Variants in PLEKHM3 observed in about 807,000 individuals in gnomAD.
PLEKHM3 encodes pleckstrin homology domain containing M3, also known as pleckstrin homology domain-containing family M member 3.
PLEKHM3 carries 45 observed loss-of-function variants against 81.8 expected under a neutral mutation model. The ratio of observed to expected loss-of-function variants is 0.55; its 90% CI spans 0.43 to 0.71. PLEKHM3 has a LOEUF of 0.71. PLEKHM3 is among the 30% of genes least tolerant of loss of function. The probability of loss-of-function intolerance (pLI) is 0.00; values close to 1 mark genes in which losing one functional copy is unlikely to be tolerated. For synonymous variants in PLEKHM3, 352 were observed against 356.4 expected (o/e 0.99, Z 0.14); for missense variants, 788 against 924.3 (o/e 0.85, Z 1.91).
chr2:207,945,530 AAGGTTCTGGTTCT>A (rs1462040096), intron 4 of PLEKHM3, among the ~76,000 whole-genome samples: 2 of 152,126 alleles, frequency 1.3e-5, no homozygotes, highest in Non-Finnish European at 2.9e-5. Context: ...AGCTTCTCTC[AAGGTTCTGGTTCT>A]AGTTCCAAAG....
chr2:208,017,527 TA>T (rs1158932948), intron 1 of PLEKHM3, among the ~76,000 whole-genome samples: 1 of 152,190 alleles, frequency 6.6e-6, no homozygotes, highest in Non-Finnish European at 1.5e-5. Context: ...AAGTGTTGCA[TA>T]AAAATTCAAA....
In PLEKHM3 at chr2:207,880,236, A is replaced by T. The variant is rs532405016; in HGVS notation, c.1951-18974T>A. On this transcript the variant is annotated intron_variant, in intron 6 of 7. Transcript: ENST00000427836. ...AGCCTGGCCAACATGGCAAAACCCC[A>T]TCTCTACTAAAAACACAAAAATTAG... is the stretch of plus-strand genomic sequence containing the variant. Among the ~76,000 whole-genome samples the T allele has an allele frequency of 3.9e-5, 6 of 152,044 alleles. No homozygotes were observed. In the South Asian group the frequency reaches 1.2e-3, roughly 32 times the overall value.
At position 207,984,453 on chromosome 2, in the gene PLEKHM3, T is replaced by C. The variant is rs571234452; in HGVS notation, c.611-6867A>G. Among the ~76,000 whole-genome samples the C allele has an allele frequency of 3.9e-5, 6 of 152,232 alleles. No homozygotes were observed. The South Asian group carries it at 1.2e-3, about 32-fold the overall frequency. On this transcript the variant is annotated intron_variant, in intron 2 of 7. Transcript: ENST00000427836. ...TTGCCCAGGCTTGAGTGATCTCGGC[T>C]CACTGCAACCTCCACCTCCCAGGTT...
intron 3 of PLEKHM3, among the ~76,000 whole-genome samples, chr2:207,964,302 C>T (rs1437053184): frequency 6.6e-6 from 1 of 152,136 alleles, no homozygotes; most frequent in Non-Finnish European, 1.5e-5. Context: ...TTTAAAAATC[C>T]CAGAGATTCT....
Position 207,828,455 on chromosome 2 carries a change from T to G in PLEKHM3, c.2150A>C (p.Glu717Ala), listed in dbSNP as rs1156380690. The change falls in exon 8 of 8, where the codon GAA becomes GCA. Residue 717 changes from glutamate to alanine, a missense_variant. Physicochemically the swap from Glu to Ala is moderately radical, Grantham distance 107 (BLOSUM62 -1). Transcript: ENST00000427836. ...ACACCTCGGGCAGGGGACAGACTTT[T>G]CTTTGCATTCAGAATGGAAAACGGC... ...CGAVFHSECK[E>A]KSVPCPRCVR... 1.9e-6 allele frequency: 3 copies of G among 1,614,088 alleles called. No homozygotes were observed. Among genetic ancestry groups the G allele is most frequent in the Non-Finnish European group, 2.5e-6 (3 of 1,179,996 alleles).
At chr2:207,966,563 T>TC (rs1559260749) in intron 3 of PLEKHM3, among the ~76,000 whole-genome samples, 1 of 152,060 alleles carries the variant, frequency 6.6e-6, no homozygotes, top group Non-Finnish European at 1.5e-5. Flanking sequence ...TATTTTTTCT[T>TC]TTTTTTTGAG....
At chr2:207,869,836 T>C (rs2092523226) in intron 6 of PLEKHM3, 1 of 152,194 alleles carries the variant, frequency 6.6e-6, no homozygotes, top group Admixed American at 6.5e-5. Context: ...GCCCATGAAA[T>C]CTGCCTGGTT....
chr2:207,998,835 A>G (rs995968559), intron 2 of PLEKHM3, among the ~76,000 whole-genome samples: 1 of 152,198 alleles, frequency 6.6e-6, no homozygotes, highest in Non-Finnish European at 1.5e-5. Flanking sequence ...AGAATGGTTA[A>G]GGAGGTTGTA....
At chr2:207,932,386 T>C (rs775600659) in intron 4 of PLEKHM3, among the ~76,000 whole-genome samples, 2 of 152,204 alleles carry the variant, frequency 1.3e-5, no homozygotes, top group Non-Finnish European at 2.9e-5. Flanking sequence ...TACTAATACA[T>C]AGAAAGTTGG....
At chr2:207,949,467 G>A (rs979845172) in intron 3 of PLEKHM3, among the ~76,000 whole-genome samples, 1 of 152,320 alleles carries the variant, frequency 6.6e-6, no homozygotes, top group East Asian at 1.9e-4. Context: ...TTGAACCTAG[G>A]AGGTCAAGGC....
intron 2 of PLEKHM3, among the ~76,000 whole-genome samples, chr2:207,995,000 C>T (rs1452521): frequency 0.1 from 15,188 of 152,150 alleles, 914 homozygotes; most frequent in Non-Finnish European, 0.13. Context: ...GCACGTTCTG[C>T]GCGTGTATCA....
chr2:207,846,565 A>G (rs2092384308), intron 7 of PLEKHM3, among the ~76,000 whole-genome samples: 1 of 151,982 alleles, frequency 6.6e-6, no homozygotes, highest in East Asian at 2.0e-4. Context: ...ACAAAAAAAA[A>G]TACAAAAATT....
chr2:207,916,712 C>T (rs1457124131), intron 5 of PLEKHM3, among the ~76,000 whole-genome samples: 5 of 151,868 alleles, frequency 3.3e-5, no homozygotes, highest in Non-Finnish European at 5.9e-5. Context: ...TGCACCACTG[C>T]ACTCCAGCCC....
intron 2 of PLEKHM3, among the ~76,000 whole-genome samples, chr2:207,978,767 C>T (rs1290371763): frequency 3.9e-5 from 6 of 152,102 alleles, no homozygotes; most frequent in Non-Finnish European, 7.4e-5. Flanking sequence ...TCCTGATTCC[C>T]CAACCTCGCC....
At chr2:207,891,958 A>C (rs1688073164) in intron 6 of PLEKHM3, among the ~76,000 whole-genome samples, 1 of 152,206 alleles carries the variant, frequency 6.6e-6, no homozygotes, top group South Asian at 2.1e-4. Context: ...AAGGCATAAC[A>C]CAGTCCTGGC....
At chr2:207,987,817 A>T (rs1691777698) in intron 2 of PLEKHM3, among the ~76,000 whole-genome samples, 2 of 152,174 alleles carry the variant, frequency 1.3e-5, no homozygotes, top group South Asian at 4.2e-4. Context: ...GCCTTCAATC[A>T]CAAAACTCTT....
At chr2:207,943,758 C>T (rs921469971) in intron 4 of PLEKHM3, among the ~76,000 whole-genome samples, 1 of 148,750 alleles carries the variant, frequency 6.7e-6, no homozygotes, top group Non-Finnish European at 1.5e-5. Flanking sequence ...GTCCCAGCTA[C>T]TTGGGAGGCT....
At chr2:207,853,417 C>CAA (rs752381538) in intron 7 of PLEKHM3, among the ~76,000 whole-genome samples, 3 of 114,220 alleles carry the variant, frequency 2.6e-5, no homozygotes, top group African/African-American at 6.4e-5. Context: ...AACTTCGTCT[C>CAA]AAAAAAAAAA....
chr2:207,951,924 A>G (rs893471577), intron 3 of PLEKHM3, among the ~76,000 whole-genome samples: 4 of 152,218 alleles, frequency 2.6e-5, no homozygotes, highest in Non-Finnish European at 5.9e-5. Context: ...CTAAGAGGGA[A>G]GAATGAGAAA....
Sources: gnomAD v4.1 joint callset for allele counts (sites outside exome capture counted in the v4.1 genomes callset) on GRCh38, gnomAD v4.1.1 for gene constraint, MANE v1.5 for transcripts, NCBI Gene and HGNC (gene_info 2026-07-23, HGNC 2026-07-21) for gene names.